The following DGKI variants were observed in gnomAD, a reference collection of about 807,000 sequenced individuals.
The protein encoded by DGKI is DAG kinase iota.
Under a neutral mutation model 147.5 loss-of-function variants are expected in DGKI, and 55 were observed. The ratio of observed to expected loss-of-function variants is 0.37; its 90% CI spans 0.30 to 0.47. The LOEUF (loss-of-function observed/expected upper bound fraction) is 0.47, where lower values mean the gene tolerates loss of function less well. Among genes scored for constraint, DGKI ranks in the 20% least tolerant of loss-of-function variants. The probability of loss-of-function intolerance (pLI) is 1.00; values close to 1 mark genes in which losing one functional copy is unlikely to be tolerated. For missense variants in DGKI, 1,007 were observed against 1,323.8 expected, an observed-to-expected ratio of 0.76 and a Z score of 3.71; for synonymous variants, 469 against 477.1, an observed-to-expected ratio of 0.98 and a Z score of 0.22.
chr7:137,489,323 G>C (rs1284531107), intron 21 of DGKI, among the ~76,000 whole-genome samples: 1 of 152,184 alleles, frequency 6.6e-6, no homozygotes, highest in African/African-American at 2.4e-5. Context: ...GTCCAGGGTA[G>C]ACAAGAAACA....
intron 20 of DGKI, among the ~76,000 whole-genome samples, chr7:137,535,781 A>G (rs974100260): frequency 2.0e-5 from 3 of 152,166 alleles, no homozygotes; most frequent in African/African-American, 4.8e-5. Flanking sequence ...GCGCCTTTAC[A>G]TAAGTGGACT....
At chr7:137,431,260 T>A (rs78570731) in intron 28 of DGKI, among the ~76,000 whole-genome samples, 17 of 152,052 alleles carry the variant, frequency 1.1e-4, no homozygotes, top group African/African-American at 4.1e-4. Context: ...TTTTTTTTTT[T>A]TTCTCAATGG....
chr7:137,515,211 C>T (rs906919776), intron 21 of DGKI, among the ~76,000 whole-genome samples: 1 of 152,210 alleles, frequency 6.6e-6, no homozygotes, highest in Non-Finnish European at 1.5e-5. Context: ...AAGTCTCTTG[C>T]TGACCACCTT....
intron 21 of DGKI, among the ~76,000 whole-genome samples, chr7:137,518,992 G>A (rs1157384980): frequency 6.6e-6 from 1 of 151,982 alleles, no homozygotes; most frequent in Non-Finnish European, 1.5e-5. Flanking sequence ...TGAATAGACT[G>A]TCCCCTCTTG....
chr7:137,471,631 G>A (rs1814892660), intron 23 of DGKI, among the ~76,000 whole-genome samples: 1 of 152,048 alleles, frequency 6.6e-6, no homozygotes, highest in South Asian at 2.1e-4. Flanking sequence ...ATAGGTCTGA[G>A]GATGTATGTG....
chr7:137,556,616 AC>A (rs1166547096), intron 19 of DGKI, among the ~76,000 whole-genome samples: 2 of 152,156 alleles, frequency 1.3e-5, no homozygotes, highest in African/African-American at 4.8e-5. Flanking sequence ...CAAAAACAGT[AC>A]ATGCAGACTT....
At chr7:137,605,043 C>T (rs2128991320) in intron 10 of DGKI, among the ~76,000 whole-genome samples, 1 of 152,242 alleles carries the variant, frequency 6.6e-6, no homozygotes, top group African/African-American at 2.4e-5. Flanking sequence ...TGGCTGGGCA[C>T]AGTGCTATAA....
intron 21 of DGKI, among the ~76,000 whole-genome samples, chr7:137,503,074 T>C (rs1215814806): frequency 1.3e-5 from 2 of 152,140 alleles, no homozygotes; most frequent in Non-Finnish European, 1.5e-5. Context: ...GGCAGAAATG[T>C]GGTCATTTTT....
chr7:137,607,805 A>T (rs1000742343), intron 10 of DGKI, among the ~76,000 whole-genome samples: 1 of 152,178 alleles, frequency 6.6e-6, no homozygotes, highest in Non-Finnish European at 1.5e-5. Context: ...ATGTCTTAGA[A>T]TTGCCATCAT....
At position 137,465,934 on chromosome 7, in the gene DGKI, A is replaced by C. The variant is rs376867128; in HGVS notation, c.2586T>G (p.Pro862=). 6.2e-7 allele frequency: 1 copy of C among 1,614,066 alleles called. No homozygotes were observed. The highest frequency in any genetic ancestry group is 8.5e-7 in the Non-Finnish European group (1 of 1,179,950). The stretch of plus-strand genomic sequence containing the variant: ...CCGAGGCTTGTTCCACCACCAGGTC[A>C]GGCATGCCCGGAGGTGTCCCCGCCG... The part of the protein sequence containing the change: ...SQPAGTPPGM[P]DLVVEQASGI... Residue 862 remains proline (P), a synonymous_variant, in exon 26 of 33, where the codon CCT becomes CCG. Coordinates refer to ENST00000614521, the MANE Select transcript of DGKI (RefSeq NM_001321708.2).
chr7:137,575,526 T>C (rs574346862), intron 17 of DGKI, among the ~76,000 whole-genome samples: 1 of 152,294 alleles, frequency 6.6e-6, no homozygotes, highest in South Asian at 2.1e-4. Context: ...TCCTGGCAGG[T>C]ACTGTGGATG....
rs751864835 is a variant in DGKI at position 137,554,144 on chromosome 7, G to T, written c.1948-1576C>A. Among the ~76,000 whole-genome samples the T allele has an allele frequency of 1.2e-4, 19 of 152,222 alleles. 1 individual carries two copies. The highest frequency in any genetic ancestry group is 7.8e-4 in the Admixed American group (12 of 15,292). ...ATCCAAGATGGTTGCACAGAGACAA[G>T]AGGAAGTACTGTAATTAGCTTTTCA... On this transcript the variant is annotated intron_variant, in intron 19 of 32. Coordinates refer to ENST00000614521, the MANE Select transcript of DGKI (RefSeq NM_001321708.2).
At chr7:137,672,744 C>CTG (rs1198079195) in intron 3 of DGKI, among the ~76,000 whole-genome samples, 1 of 135,028 alleles carries the variant, frequency 7.4e-6, no homozygotes, top group Non-Finnish European at 1.6e-5. Context: ...GCCTTCTTCT[C>CTG]TGTGTGTGTG....
intron 24 of DGKI, among the ~76,000 whole-genome samples, chr7:137,468,193 A>G (rs911948039): frequency 2.6e-5 from 4 of 152,190 alleles, no homozygotes; most frequent in Non-Finnish European, 4.4e-5. Flanking sequence ...AAACCAGCCA[A>G]TCATCACCCC....
intron 28 of DGKI, among the ~76,000 whole-genome samples, chr7:137,442,943 T>C (rs17169179): frequency 0.35 from 52,492 of 152,062 alleles, 9,931 homozygotes; most frequent in East Asian, 0.65. Context: ...AGCAAGCCCT[T>C]ACAGAGGATG....
At chr7:137,455,466 C>T (rs1190090200) in intron 27 of DGKI, among the ~76,000 whole-genome samples, 1 of 151,928 alleles carries the variant, frequency 6.6e-6, no homozygotes, top group Non-Finnish European at 1.5e-5. Context: ...AACTCTATTC[C>T]AAGAGCTGTG....
intron 10 of DGKI, among the ~76,000 whole-genome samples, chr7:137,601,220 G>A (rs901356061): frequency 9.9e-5 from 15 of 151,380 alleles, no homozygotes; most frequent in Non-Finnish European, 1.8e-4. Flanking sequence ...GCAGTGAGCC[G>A]AAATAGCGCC....
chr7:137,836,749 C>T (rs1212160327), intron 1 of DGKI, among the ~76,000 whole-genome samples: 1 of 152,184 alleles, frequency 6.6e-6, no homozygotes, highest in Non-Finnish European at 1.5e-5. Context: ...CCATGGAAAG[C>T]TCAATCTTGG....
intron 1 of DGKI, among the ~76,000 whole-genome samples, chr7:137,732,843 CCCACTA>C (rs896156175): frequency 6.6e-6 from 1 of 151,770 alleles, no homozygotes; most frequent in Non-Finnish European, 1.5e-5. Context: ...ACACATGCAC[CCCACTA>C]CCACTTCTCC....
Sources: gnomAD v4.1 joint callset for allele counts (sites outside exome capture counted in the v4.1 genomes callset) on GRCh38, gnomAD v4.1.1 for gene constraint, MANE v1.5 for transcripts, NCBI Gene and HGNC (gene_info 2026-07-23, HGNC 2026-07-21) for gene names.